The following ACTN1 variants were observed in gnomAD, a reference collection of about 807,000 sequenced individuals.
ACTN1 encodes the protein actinin alpha 1.
In ACTN1, 30 loss-of-function variants were observed where a neutral mutation model predicts 119.6. The ratio of observed to expected loss-of-function variants is 0.25; its 90% CI spans 0.19 to 0.34. The LOEUF is 0.34. Among genes scored for constraint, ACTN1 ranks in the 10% least tolerant of loss-of-function variants. The pLI is 1.00. For synonymous variants in ACTN1, 429 were observed against 472.6 expected (o/e 0.91, Z 1.20); for missense variants, 764 against 1,223.4 (o/e 0.62, Z 5.60).
chr14:68,884,606 A>G (rs570456086), intron 13 of ACTN1, among the ~76,000 whole-genome samples, 169 bp downstream of exon 13: 29 of 152,382 alleles, frequency 1.9e-4, no homozygotes, highest in Admixed American at 1.3e-3. Flanking sequence ...CCATGAGGGC[A>G]AAGTCCAAAT....
chr14:68,887,656 A>G (rs181473), intron 11 of ACTN1: 1 of 1,216,894 alleles, frequency 8.2e-7, no homozygotes, highest in Non-Finnish European at 1.1e-6. Flanking sequence ...GAGGTGGGAT[A>G]CCCTCCTTCT....
At chr14:68,903,930 C>T (rs929159214) in intron 7 of ACTN1, among the ~76,000 whole-genome samples, 5 of 152,184 alleles carry the variant, frequency 3.3e-5, no homozygotes, top group Admixed American at 3.3e-4. Flanking sequence ...TAAGGATGTT[C>T]TAGTGTCGAA....
In ACTN1 at chr14:68,880,759, A is replaced by T. The variant is rs775632759; in HGVS notation, c.2133+51T>A. On this transcript the variant is annotated intron_variant, in intron 17 of 21. Transcript: ENST00000394419. This position sits in a 1 kb window ranked among gnomAD's most constrained non-coding sequence, Gnocchi z 4.6. ...GGAGACTTCCCCACCCAGGAGAAAG[A>T]GCAGAAGGGGCCACGGGCTCCCGAA... The T allele has an allele frequency of 6.3e-7, 1 of 1,588,228 alleles. No individual in the cohort carries two copies. Among genetic ancestry groups the T allele is most frequent in the Admixed American group, 1.7e-5 (1 of 59,096 alleles).
chr14:68,979,179 T>G lies in ACTN1; in HGVS notation c.-123A>C. 4.5e-5 allele frequency: 23 copies of G among 513,906 alleles called. No homozygotes were observed. Among genetic ancestry groups the G allele is most frequent in the Admixed American group, 1.1e-4 (3 of 26,354 alleles). 31.8% of individuals were successfully genotyped at this position (513,906 alleles called of 1,614,324 possible). ...GCTGGGCTGGCGGGGCCGGGCTCGC[T>G]CCCCTGCGCCCGGTTCCGCCGCGGC... On this transcript the variant is annotated 5_prime_UTR_variant, in exon 1 of 22. Coordinates refer to ENST00000394419, the MANE Select transcript of ACTN1 (RefSeq NM_001130004.2).
chr14:68,891,982 A>T, intron 10 of ACTN1, 71 bp downstream of exon 10: 1 of 1,560,924 alleles, frequency 6.4e-7, no homozygotes. Flanking sequence ...GCTGAATTTG[A>T]CCACAACTAG....
chr14:68,878,905 A>C lies in ACTN1; in HGVS notation c.2361+84T>G, dbSNP rs1165068444. 1 of 1,604,536 alleles carries C rather than the reference A, an allele frequency of 6.2e-7. No individual in the cohort carries two copies. The highest frequency in any genetic ancestry group is 8.5e-7 in the Non-Finnish European group (1 of 1,178,818). ...CACAGGAGGGGGACAGGAGATCCAGACAGAGAGAAGAGAAAAAGGAAAAAC... is the reference window on the plus strand; with the variant it reads ...CACAGGAGGGGGACAGGAGATCCAGCCAGAGAGAAGAGAAAAAGGAAAAAC... On this transcript the variant is annotated intron_variant, in intron 19 of 21. Transcript: ENST00000394419. This position sits in a 1 kb window ranked among gnomAD's most constrained non-coding sequence, Gnocchi z 4.4.
At chr14:68,888,025 T>C in intron 11 of ACTN1, 1 of 739,318 alleles carries the variant, frequency 1.4e-6, no homozygotes, top group South Asian at 1.3e-5. Flanking sequence ...ACCGCGCCGA[T>C]CTCCTCTTGG....
intron 3 of ACTN1, among the ~76,000 whole-genome samples, chr14:68,914,573 C>T (rs1030677478): frequency 6.6e-6 from 1 of 152,200 alleles, no homozygotes; most frequent in Non-Finnish European, 1.5e-5. Context: ...CAAGACCAGC[C>T]GGGGCAACAT....
intron 2 of ACTN1, among the ~76,000 whole-genome samples, chr14:68,923,385 G>A (rs1393085063): frequency 6.6e-6 from 1 of 152,184 alleles, no homozygotes; most frequent in Admixed American, 6.5e-5. Context: ...CAGATTAGGG[G>A]AGAGAGGAAG....
chr14:68,897,517 A>G (rs927501206), intron 8 of ACTN1, among the ~76,000 whole-genome samples: 4 of 152,200 alleles, frequency 2.6e-5, no homozygotes, highest in Non-Finnish European at 5.9e-5. Flanking sequence ...CACAGTCTAG[A>G]GAGGAACTGT....
chr14:68,878,419 CT>C lies in ACTN1; in HGVS notation c.2427+38del. ...TTGGCTGCTCCCGCCAGCTGGCTGCCTTCTCACCAGGGCAGACAGAGGGTGG... is the reference window on the plus strand; with the variant it reads ...TTGGCTGCTCCCGCCAGCTGGCTGCCTCTCACCAGGGCAGACAGAGGGTGG... On this transcript the variant is annotated intron_variant, in intron 20 of 21. Transcript: ENST00000394419. This position sits in a 1 kb window ranked among gnomAD's most constrained non-coding sequence, Gnocchi z 4.4. 6.6e-7 allele frequency: 1 copy of C among 1,525,098 alleles called. No individual in the cohort carries two copies. The allele number at this position is 1,525,098 out of a possible 1,614,324, so 94.5% of individuals were successfully genotyped here.
chr14:68,961,600 AG>A (rs890900559), intron 1 of ACTN1, among the ~76,000 whole-genome samples: 21 of 152,290 alleles, frequency 1.4e-4, no homozygotes, highest in African/African-American at 4.3e-4. Flanking sequence ...GTGGATCCTG[AG>A]GGACCAGCCC....
chr14:68,898,569 C>T (rs543426957), intron 8 of ACTN1, among the ~76,000 whole-genome samples: 1 of 152,232 alleles, frequency 6.6e-6, no homozygotes, highest in South Asian at 2.1e-4. Flanking sequence ...CGGAGACAGA[C>T]AAGACAGGAG....
intron 1 of ACTN1, chr14:68,978,101 G>A (rs2037131574): frequency 4.4e-6 from 2 of 455,008 alleles, no homozygotes; most frequent in South Asian, 1.6e-5. Context: ...CCGGCACACC[G>A]CGCCTGCCTG....
At chr14:68,962,187 G>A (rs2036562099) in intron 1 of ACTN1, among the ~76,000 whole-genome samples, 1 of 152,244 alleles carries the variant, frequency 6.6e-6, no homozygotes, top group Non-Finnish European at 1.5e-5. Flanking sequence ...CATCTTTTAC[G>A]ACAAGAGCCC....
intron 1 of ACTN1, among the ~76,000 whole-genome samples, chr14:68,958,507 T>C (rs1008302707): frequency 6.6e-6 from 1 of 151,916 alleles, no homozygotes; most frequent in Admixed American, 6.6e-5. Flanking sequence ...TAAATATTAC[T>C]TTCCTTTTCA....
At chr14:68,976,519 A>T (rs75928347) in intron 1 of ACTN1, among the ~76,000 whole-genome samples, 1 of 152,310 alleles carries the variant, frequency 6.6e-6, no homozygotes, top group East Asian at 1.9e-4. Flanking sequence ...GGAAACAAAC[A>T]AACAAAAAAT....
At chr14:68,973,726 C>A (rs192901183) in intron 1 of ACTN1, 2 of 152,278 alleles carry the variant, frequency 1.3e-5, no homozygotes, top group African/African-American at 4.8e-5. Context: ...TCAGTCAGAG[C>A]CAGGTTTGGC....
At chr14:68,956,533 G>A (rs2036357063) in intron 1 of ACTN1, among the ~76,000 whole-genome samples, 1 of 152,168 alleles carries the variant, frequency 6.6e-6, no homozygotes, top group Non-Finnish European at 1.5e-5. Context: ...GGAAGCTACA[G>A]TTTTACACAA....
Sources: gnomAD v4.1 joint callset for allele counts (sites outside exome capture counted in the v4.1 genomes callset) on GRCh38, gnomAD v4.1.1 for gene constraint, Gnocchi (gnomAD v3.1) non-coding constraint, MANE v1.5 for transcripts, NCBI Gene and HGNC (gene_info 2026-07-23, HGNC 2026-07-21) for gene names.